Variants in ARPC5L observed in about 807,000 individuals in gnomAD.
ARPC5L encodes the protein actin related protein 2/3 complex subunit 5 like.
In ARPC5L, 4 loss-of-function variants were observed where a neutral mutation model predicts 16.9. The ratio of observed to expected loss-of-function variants is 0.24; its 90% CI spans 0.12 to 0.54. The LOEUF (loss-of-function observed/expected upper bound fraction) is 0.54. Among genes scored for constraint, ARPC5L ranks in the 20% least tolerant of loss-of-function variants. The pLI is 0.95. For missense variants in ARPC5L, 151 were observed against 201.9 expected (o/e 0.75, Z 1.53); for synonymous variants, 78 against 82.6 (o/e 0.94, Z 0.30).
chr9:124,873,657 T>A, intron 3 of ARPC5L, 35 bp from the exon 4 acceptor site: 3 of 1,613,198 alleles, frequency 1.9e-6, no homozygotes, highest in Non-Finnish European at 2.5e-6. Context: ...ATGGATGTGC[T>A]TGAGCCTAGC....
intron 2 of ARPC5L, among the ~76,000 whole-genome samples, chr9:124,866,860 GTGTTC>G (rs1328140015): frequency 1.3e-5 from 2 of 152,204 alleles, no homozygotes; most frequent in African/African-American, 4.8e-5. Flanking sequence ...GATCCCAGAT[GTGTTC>G]TCAATACAGC....
At position 124,869,238 on chromosome 9, in the gene ARPC5L, A is replaced by G. The variant is rs1588042320; in HGVS notation, c.-53A>G. The G allele has an allele frequency of 6.8e-7, 1 of 1,471,952 alleles. No homozygotes were observed. Among genetic ancestry groups the G allele is most frequent in the Non-Finnish European group, 9.0e-7 (1 of 1,113,676 alleles). 91.2% of individuals were successfully genotyped at this position (1,471,952 alleles called of 1,614,324 possible). On this transcript the variant is annotated 5_prime_UTR_variant, in exon 3 of 6. Transcript: ENST00000353214. ...GCAGGAGCCGGTGCGAGCGGAGCAG[A>G]GCCGAGGTCGGGCCGCGAGCGGAGC...
rs1441327265 is a variant in ARPC5L, at chr9:124,869,027, G to A, written c.-264G>A. On this transcript the variant is annotated 5_prime_UTR_variant, in exon 3 of 6. Coordinates refer to ENST00000353214, the MANE Select transcript of ARPC5L (RefSeq NM_030978.3). ...TCAGTGACAAAATAGAGACTCCGTG[G>A]AAGGGACACTGAGGTGGGGGAGGCT... 1.9e-5 allele frequency: 7 copies of A among 362,300 alleles called. No homozygotes were observed. Among genetic ancestry groups the A allele is most frequent in the Non-Finnish European group, 3.4e-5 (7 of 204,432 alleles). 22.4% of individuals were successfully genotyped at this position (362,300 alleles called of 1,614,324 possible).
At chr9:124,872,956 G>A (rs1469221340) in intron 3 of ARPC5L, 1 of 152,282 alleles carries the variant, frequency 6.6e-6, no homozygotes, top group Non-Finnish European at 1.5e-5. Flanking sequence ...GCTGAAGCCA[G>A]TGTTTCATAC....
chr9:124,865,315 T>TG (rs1829253884), intron 2 of ARPC5L, among the ~76,000 whole-genome samples: 2 of 107,062 alleles, frequency 1.9e-5, no homozygotes, highest in Non-Finnish European at 3.5e-5. Flanking sequence ...AAACTCTGTC[T>TG]AAAAAAAAAA....
At chr9:124,864,143 G>GA (rs1481802717) in intron 2 of ARPC5L, 36 bp downstream of exon 2, 5 of 150,964 alleles carry the variant, frequency 3.3e-5, no homozygotes, top group African/African-American at 9.7e-5. Flanking sequence ...GGGATATGGG[G>GA]AAAAAAGAGA....
chr9:124,866,850 G>T (rs1277566960), intron 2 of ARPC5L, among the ~76,000 whole-genome samples: 2 of 152,152 alleles, frequency 1.3e-5, no homozygotes, highest in African/African-American at 4.8e-5. Flanking sequence ...TTTGGTTCTC[G>T]ATCCCAGATG....
intron 1 of ARPC5L, among the ~76,000 whole-genome samples, chr9:124,863,421 A>T (rs1385800166): frequency 6.6e-6 from 1 of 152,168 alleles, no homozygotes; most frequent in Admixed American, 6.5e-5. Context: ...TACTGGGATT[A>T]CAGGTGTGAG....
chr9:124,866,497 A>C (rs906844778), intron 2 of ARPC5L, among the ~76,000 whole-genome samples: 1 of 151,470 alleles, frequency 6.6e-6, no homozygotes, highest in Non-Finnish European at 1.5e-5. Context: ...CGAGGTGGGC[A>C]GATCACCTGA....
intron 2 of ARPC5L, among the ~76,000 whole-genome samples, chr9:124,867,888 C>G (rs1408864294): frequency 6.7e-6 from 1 of 148,678 alleles, no homozygotes; most frequent in Admixed American, 6.8e-5. Context: ...CAGCTCAGTG[C>G]AACCTCTACC....
intron 1 of ARPC5L, among the ~76,000 whole-genome samples, chr9:124,862,950 C>T (rs1030105288): frequency 1.3e-5 from 2 of 151,728 alleles, no homozygotes; most frequent in South Asian, 4.2e-4. Flanking sequence ...CGGGTTCAAG[C>T]AGCCCTCCCA....
intron 3 of ARPC5L, among the ~76,000 whole-genome samples, chr9:124,870,895 C>T (rs1443442977): frequency 1.3e-5 from 2 of 152,158 alleles, no homozygotes; most frequent in Non-Finnish European, 2.9e-5. Flanking sequence ...TGCTTAGAGG[C>T]CTGGGCTTAG....
intron 3 of ARPC5L, among the ~76,000 whole-genome samples, chr9:124,870,638 A>G (rs1023306562): frequency 1.1e-4 from 17 of 152,232 alleles, no homozygotes; most frequent in Admixed American, 5.9e-4. Context: ...GGATCTCCCA[A>G]TCCACCCTCC....
intron 3 of ARPC5L, 47 bp downstream of exon 3, chr9:124,869,486 C>T (rs1290707174): frequency 1.4e-6 from 2 of 1,404,658 alleles, no homozygotes; most frequent in South Asian, 3.1e-5. Flanking sequence ...GGCCTTCTCA[C>T]CTTCCCACCT....
chr9:124,869,036 CTG>C lies in ARPC5L; in HGVS notation c.-254_-253del, dbSNP rs2131332647. On this transcript the variant is annotated 5_prime_UTR_variant, in exon 3 of 6. Transcript: ENST00000353214. The stretch of plus-strand genomic sequence containing the variant: ...AAATAGAGACTCCGTGGAAGGGACA[CTG>C]AGGTGGGGGAGGCTGCGGTGATCCC... 2.7e-6 allele frequency: 1 copy of C among 376,510 alleles called. No homozygotes were observed. The highest frequency in any genetic ancestry group is 4.2e-5 in the East Asian group (1 of 23,646). 23.3% of individuals were successfully genotyped at this position (376,510 alleles called of 1,614,324 possible).
In ARPC5L at chr9:124,869,323, C is replaced by T. The variant is rs1222143231; in HGVS notation, c.33C>T (p.Arg11=). The change falls in exon 3 of 6, where the codon CGC becomes CGT. Residue 11 remains arginine (R), a synonymous_variant. Transcript: ENST00000353214. MARNTLSSRF[R]RVDIDEFDEN... is the part of the protein sequence containing the mutation. Reference sequence around the variant, plus strand: ...GGAACACGCTGTCCTCGCGCTTCCGCCGGGTGGACATCGACGAATTTGACG... The same window carrying T: ...GGAACACGCTGTCCTCGCGCTTCCGTCGGGTGGACATCGACGAATTTGACG... 6.5e-7 allele frequency: 1 copy of T among 1,531,694 alleles called. No individual in the cohort carries two copies. The highest frequency in any genetic ancestry group is 1.2e-5 in the South Asian group (1 of 83,452). The allele number at this position is 1,531,694 out of a possible 1,614,324, so 94.9% of individuals were successfully genotyped here.
chr9:124,868,870 G>A lies in ARPC5L; in HGVS notation c.-421G>A, dbSNP rs1829308175. ...GGCCCAGCCTTCCCCAGTACCGGCA[G>A]GGATCACCCCGGGAGCACGCGCCCG... is the stretch of plus-strand genomic sequence containing the variant. On this transcript the variant is annotated 5_prime_UTR_variant, in exon 3 of 6. Coordinates refer to ENST00000353214, the MANE Select transcript of ARPC5L (RefSeq NM_030978.3). 1 of 162,306 alleles carries A rather than the reference G, an allele frequency of 6.2e-6. No individual in the cohort carries two copies. The highest frequency in any genetic ancestry group is 1.3e-5 in the Non-Finnish European group (1 of 75,132). The allele number at this position is 162,306 out of a possible 1,614,324, so 10.1% of individuals were successfully genotyped here. A position where few individuals can be genotyped will look rare whatever the true frequency, so the allele number is the denominator to read the frequency against.
chr9:124,862,257 A>G lies in ARPC5L; in HGVS notation c.-1125A>G. 3.2e-6 allele frequency: 1 copy of G among 311,278 alleles called. No homozygotes were observed. The highest frequency in any genetic ancestry group is 5.9e-6 in the Non-Finnish European group (1 of 168,762). The allele number at this position is 311,278 out of a possible 1,614,324, so 19.3% of individuals were successfully genotyped here. On this transcript the variant is annotated 5_prime_UTR_variant, in exon 1 of 6. Transcript: ENST00000353214. ...AGGACTCAAATTCGTCCATTCAGTC[A>G]TTCGTTCATTCATTCCTTCGGGAAA...
At position 124,868,922 on chromosome 9, in the gene ARPC5L, G is replaced by A. The variant is rs1829309126; in HGVS notation, c.-369G>A. 5.3e-6 allele frequency: 1 copy of A among 188,322 alleles called. No homozygotes were observed. Among genetic ancestry groups the A allele is most frequent in the African/African-American group, 2.3e-5 (1 of 42,860 alleles). The allele number at this position is 188,322 out of a possible 1,614,324, so 11.7% of individuals were successfully genotyped here. A position where few individuals can be genotyped will look rare whatever the true frequency, so the allele number is the denominator to read the frequency against. ...CCCCGCTGAGGCCAGGGGCTCCTCGGAGGCGCGGGAAAGCCGGGGAACCAG... is the reference window on the plus strand; with the variant it reads ...CCCCGCTGAGGCCAGGGGCTCCTCGAAGGCGCGGGAAAGCCGGGGAACCAG... On this transcript the variant is annotated 5_prime_UTR_variant, in exon 3 of 6. Transcript: ENST00000353214.
Sources: allele counts gnomAD v4.1 joint callset (sites outside exome capture counted in the v4.1 genomes callset), GRCh38; gene constraint gnomAD v4.1.1; transcripts MANE v1.5; gene names NCBI Gene and HGNC (gene_info 2026-07-23, HGNC 2026-07-21).